Variants in UST observed in about 807,000 individuals in gnomAD.
UST encodes uronyl 2-sulfotransferase, also known as chondroitin sulfate 2-O-sulfotransferase.
Under a neutral mutation model 45.6 loss-of-function variants are expected in UST, and 21 were observed. That is an observed-to-expected ratio of 0.46 (90% CI 0.33 to 0.66). The LOEUF is 0.66. Ranked by LOEUF, UST falls within the 30% of genes least tolerant of loss-of-function variation. The pLI is 0.02. For synonymous variants in UST, 215 were observed against 200.6 expected, an observed-to-expected ratio of 1.07 and a Z score of -0.61; for missense variants, 463 against 512.4, an observed-to-expected ratio of 0.90 and a Z score of 0.93.
At chr6:148,905,892 G>T (rs1478631531) in intron 2 of UST, among the ~76,000 whole-genome samples, 1 of 152,058 alleles carries the variant, frequency 6.6e-6, no homozygotes, top group Non-Finnish European at 1.5e-5. Context: ...ACAATAGCTG[G>T]CACACATCAT....
In UST at chr6:148,837,849, T is replaced by C. The variant is rs898740634; in HGVS notation, c.248-49137T>C. ...CCCCAAGTAGCTGGGACTATAGGCATGTGCCACCATGCCCAGCTAAATTTT... is the reference window on the plus strand; with the variant it reads ...CCCCAAGTAGCTGGGACTATAGGCACGTGCCACCATGCCCAGCTAAATTTT... On this transcript the variant is annotated intron_variant, in intron 1 of 7. Coordinates refer to ENST00000367463, the MANE Select transcript of UST (RefSeq NM_005715.3). Among the ~76,000 whole-genome samples, 3 of 152,132 alleles carry C rather than the reference T, an allele frequency of 2.0e-5. No homozygotes were observed. The South Asian group carries it at 6.2e-4, about 32-fold the overall frequency.
At chr6:149,004,900 C>G (rs1022077334) in intron 5 of UST, among the ~76,000 whole-genome samples, 8 of 152,092 alleles carry the variant, frequency 5.3e-5, no homozygotes, top group Non-Finnish European at 8.8e-5. Context: ...GTGGTGCGAT[C>G]ACAGCTCACT....
chr6:149,010,051 T>C (rs1775780436), intron 5 of UST, among the ~76,000 whole-genome samples: 1 of 151,840 alleles, frequency 6.6e-6, no homozygotes, highest in South Asian at 2.1e-4. Flanking sequence ...TCATATTATA[T>C]ATATATAATT....
chr6:148,917,666 C>T lies in UST; in HGVS notation c.292-23613C>T, dbSNP rs2170671. Among the ~76,000 whole-genome samples the T allele has an allele frequency of 6.3e-3, 952 of 151,862 alleles. 9 individuals are homozygous for T. The highest frequency in any genetic ancestry group is 0.015 in the African/African-American group (609 of 41,488). On this transcript the variant is annotated intron_variant, in intron 2 of 7. Coordinates refer to ENST00000367463, the MANE Select transcript of UST (RefSeq NM_005715.3). ...TCTGAGGCCTGCACAACCTGGGAAG[C>T]GGTGTGCTCAAACGCAAGGTGCTGG...
At chr6:148,958,704 C>G (rs979417917) in intron 4 of UST, among the ~76,000 whole-genome samples, 3 of 152,166 alleles carry the variant, frequency 2.0e-5, no homozygotes, top group African/African-American at 7.2e-5. Flanking sequence ...GACTACAATT[C>G]AAATTTGTCT....
intron 7 of UST, among the ~76,000 whole-genome samples, chr6:149,031,149 G>T (rs891501337): frequency 1.9e-4 from 29 of 151,914 alleles, no homozygotes; most frequent in African/African-American, 6.3e-4. Flanking sequence ...GGAGGTTGCA[G>T]TGAGCTGAGA....
chr6:148,793,165 C>T (rs748541500), intron 1 of UST, among the ~76,000 whole-genome samples: 1 of 151,914 alleles, frequency 6.6e-6, no homozygotes, highest in Non-Finnish European at 1.5e-5. Flanking sequence ...TATATTTATT[C>T]TAAAAATGTA....
intron 7 of UST, among the ~76,000 whole-genome samples, chr6:149,031,241 A>G (rs1423957211): frequency 8.5e-5 from 13 of 152,050 alleles, no homozygotes; most frequent in Admixed American, 8.5e-4. Context: ...CTGAAGGCAT[A>G]TAACTGGTTC....
chr6:148,778,377 CTTTTA>C (rs1181368222), intron 1 of UST, among the ~76,000 whole-genome samples: 1 of 152,120 alleles, frequency 6.6e-6, no homozygotes, highest in African/African-American at 2.4e-5. Flanking sequence ...GTCTTATTTT[CTTTTA>C]TATCAAGTGA....
At chr6:149,040,722 G>A (rs1158807575) in intron 7 of UST, among the ~76,000 whole-genome samples, 4 of 152,112 alleles carry the variant, frequency 2.6e-5, no homozygotes, top group Non-Finnish European at 4.4e-5. Flanking sequence ...AAAGACCTGC[G>A]ATTCAGTGCA....
At chr6:149,066,742 A>G (rs185799548) in intron 7 of UST, among the ~76,000 whole-genome samples, 1 of 152,322 alleles carries the variant, frequency 6.6e-6, no homozygotes, top group Admixed American at 6.5e-5. Flanking sequence ...ATGAACTTAC[A>G]ATAGGCAGAT....
intron 1 of UST, among the ~76,000 whole-genome samples, chr6:148,805,002 T>C (rs937004309): frequency 2.0e-5 from 3 of 152,182 alleles, no homozygotes; most frequent in Non-Finnish European, 4.4e-5. Context: ...TATAAAATTC[T>C]AATTTTCACA....
chr6:148,860,361 G>A (rs566933664), intron 1 of UST, among the ~76,000 whole-genome samples: 5 of 152,298 alleles, frequency 3.3e-5, no homozygotes, highest in Non-Finnish European at 5.9e-5. Context: ...CTGAGACTTC[G>A]CTGAAGTTGC....
intron 1 of UST, among the ~76,000 whole-genome samples, chr6:148,854,387 C>G (rs1562277895): frequency 6.6e-6 from 1 of 152,222 alleles, no homozygotes; most frequent in Admixed American, 6.5e-5. Flanking sequence ...AAAGGCTATT[C>G]TGTTTTCCCC....
chr6:149,068,978 G>C (rs181633443), intron 7 of UST, among the ~76,000 whole-genome samples: 56 of 152,278 alleles, frequency 3.7e-4, no homozygotes, highest in Admixed American at 1.1e-3. Context: ...CCATATATGA[G>C]TGAAAATACA....
rs373613479 is a variant in UST at position 149,073,839 on chromosome 6, G to A, written c.944G>A (p.Arg315Lys). The A allele has an allele frequency of 1.9e-6, 3 of 1,613,120 alleles. No individual in the cohort carries two copies. Among genetic ancestry groups the A allele is most frequent in the Non-Finnish European group, 2.5e-6 (3 of 1,179,118 alleles). The change falls in exon 8 of 8, where the codon AGG becomes AAG. Residue 315 changes from arginine (R) to lysine (K), a missense_variant. Transcript: ENST00000367463. ...VLSIYKDPEH[R>K]KLGNMTVTVK... is the part of the protein sequence containing the mutation. ...GACCCCGGTTCTCTTCCAGAGCACA[G>A]GAAGCTTGGAAACATGACTGTGACG... is the stretch of plus-strand genomic sequence containing the variant.
intron 5 of UST, among the ~76,000 whole-genome samples, chr6:148,991,589 C>G (rs1781354471): frequency 6.7e-6 from 1 of 148,220 alleles, no homozygotes; most frequent in Non-Finnish European, 1.5e-5. Context: ...CAATTCCCAC[C>G]TATAGAATTC....
At chr6:148,878,899 C>G (rs1040511571) in intron 1 of UST, among the ~76,000 whole-genome samples, 1 of 151,752 alleles carries the variant, frequency 6.6e-6, no homozygotes, top group African/African-American at 2.4e-5. Flanking sequence ...CAGAATATCC[C>G]CTGGTGGTTT....
At chr6:148,946,986 G>A (rs938310037) in intron 3 of UST, among the ~76,000 whole-genome samples, 5 of 150,624 alleles carry the variant, frequency 3.3e-5, no homozygotes, top group African/African-American at 7.4e-5. Flanking sequence ...TCTAATCCTC[G>A]AGGCAACATT....
Sources: gnomAD v4.1 joint callset for allele counts (sites outside exome capture counted in the v4.1 genomes callset) on GRCh38, gnomAD v4.1.1 for gene constraint, MANE v1.5 for transcripts, NCBI Gene and HGNC (gene_info 2026-07-23, HGNC 2026-07-21) for gene names.